Variants in DCPS observed in about 807,000 individuals in gnomAD.
DCPS encodes the protein decapping enzyme, scavenger, also known as m7GpppX diphosphatase.
In DCPS, 27 loss-of-function variants were observed where a neutral mutation model predicts 34.7. The ratio of observed to expected loss-of-function variants is 0.78; its 90% confidence interval spans 0.57 to 1.07. The LOEUF (loss-of-function observed/expected upper bound fraction) is 1.07, where lower values mean the gene tolerates loss of function less well. DCPS is among the 50% of genes least tolerant of loss of function. The probability of loss-of-function intolerance (pLI) is 0.00; values close to 1 mark genes in which losing one functional copy is unlikely to be tolerated. For synonymous variants in DCPS, 185 were observed against 185.7 expected (o/e 1.00, Z 0.03); for missense variants, 464 against 436.9 (o/e 1.06, Z -0.55).
rs1951955248 is a variant in DCPS at position 126,348,234 on chromosome 11, T to C, written c.*2621T>C. Among the ~76,000 whole-genome samples the C allele has an allele frequency of 6.6e-6, 1 of 152,006 alleles. No individual in the cohort carries two copies. The highest frequency in any genetic ancestry group is 1.5e-5 in the Non-Finnish European group (1 of 67,978). On this transcript the variant is annotated 3_prime_UTR_variant, in exon 6 of 6. Coordinates refer to ENST00000263579, the MANE Select transcript of DCPS (RefSeq NM_014026.6). This position sits in a 1 kb window ranked among gnomAD's most constrained non-coding sequence, Gnocchi z 5.3. ...CCCACACTCTGGAAGGTTTCTCGAC[T>C]CCCCCGAGGGGCTGGCCAGTTCTGT...
intron 4 of DCPS, among the ~76,000 whole-genome samples, chr11:126,339,024 G>C (rs1403792239): frequency 2.6e-5 from 4 of 152,170 alleles, no homozygotes; most frequent in Non-Finnish European, 5.9e-5. Context: ...TCCCAGACCA[G>C]CCCACCACCA....
Position 126,345,768 on chromosome 11 carries a change from G to A in DCPS, c.*155G>A. 5 of 1,165,670 alleles carry A rather than the reference G, an allele frequency of 4.3e-6. No homozygotes were observed. Among genetic ancestry groups the A allele is most frequent in the Non-Finnish European group, 5.9e-6 (5 of 847,016 alleles). The allele number at this position is 1,165,670 out of a possible 1,614,324, so 72.2% of individuals were successfully genotyped here. A position where few individuals can be genotyped will look rare whatever the true frequency, so the allele number is the denominator to read the frequency against. ...GGGCTCACTCAGTGTGGACAGCGTG[G>A]CCTGGGAGGCAGACAGATGGTGGGG... On this transcript the variant is annotated 3_prime_UTR_variant, in exon 6 of 6. Transcript: ENST00000263579. The surrounding 1 kb of genome is among the most constrained non-coding windows in gnomAD (Gnocchi z 7.4).
rs116812023 is a variant in DCPS at position 126,323,350 on chromosome 11, C to G, written c.377-8055C>G. On this transcript the variant is annotated intron_variant, in intron 2 of 5. Coordinates refer to ENST00000263579, the MANE Select transcript of DCPS (RefSeq NM_014026.6). The surrounding 1 kb of genome is among the most constrained non-coding windows in gnomAD (Gnocchi z 4.4). The stretch of plus-strand genomic sequence containing the variant: ...AATACAATTATTGTTTTACCTTGAG[C>G]GGTAGAAAGTTCAGCTTTAGAAACA... Among the ~76,000 whole-genome samples the G allele has an allele frequency of 2.6e-5, 4 of 152,028 alleles. No individual in the cohort carries two copies. The South Asian group carries it at 8.3e-4, about 31-fold the overall frequency.
rs952338428 is a variant in DCPS, at chr11:126,315,799, C to T, written c.376+9055C>T. 1.4e-4 allele frequency among the ~76,000 whole-genome samples: 21 copies of T among 152,032 alleles called. No homozygotes were observed. Among genetic ancestry groups the T allele is most frequent in the African/African-American group, 4.8e-5 (2 of 41,324 alleles). ...GTACCTCTCAGCTCATTGCAACCTC[C>T]ACCTCCCGGGTTGAAGCGATTCTCC... On this transcript the variant is annotated intron_variant, in intron 2 of 5. Transcript: ENST00000263579. This position sits in a 1 kb window ranked among gnomAD's most constrained non-coding sequence, Gnocchi z 6.1.
intron 1 of DCPS, among the ~76,000 whole-genome samples, chr11:126,306,282 A>G (rs1951564734): frequency 6.6e-6 from 1 of 152,100 alleles, no homozygotes; most frequent in African/African-American, 2.4e-5. Context: ...CTGTGGCGGG[A>G]GAATTGTTTG....
At chr11:126,316,245 C>G (rs1156335671) in intron 2 of DCPS, among the ~76,000 whole-genome samples, 1 of 151,934 alleles carries the variant, frequency 6.6e-6, no homozygotes, top group Non-Finnish European at 1.5e-5. Context: ...CAAGCTTGTC[C>G]AACCCGCAGC....
chr11:126,326,685 A>G (rs1951741745), intron 2 of DCPS, among the ~76,000 whole-genome samples: 1 of 152,204 alleles, frequency 6.6e-6, no homozygotes, highest in Non-Finnish European at 1.5e-5. Flanking sequence ...GCACTTTGGG[A>G]GGCCGAGGCA....
chr11:126,336,573 C>G lies in DCPS; in HGVS notation c.523-1713C>G, dbSNP rs1388418237. ...TTATACTAGTCACAGGCAGATGCCC[C>G]TTTTCTGTGAATCAGGGACTGGCCG... On this transcript the variant is annotated intron_variant, in intron 3 of 5. Transcript: ENST00000263579. The surrounding 1 kb of genome is among the most constrained non-coding windows in gnomAD (Gnocchi z 6.3). 1 of 152,262 alleles carries G rather than the reference C, an allele frequency of 6.6e-6. No individual in the cohort carries two copies. Among genetic ancestry groups the G allele is most frequent in the Non-Finnish European group, 1.5e-5 (1 of 68,086 alleles). 9.4% of individuals were successfully genotyped at this position (152,262 alleles called of 1,614,324 possible). A position where few individuals can be genotyped will look rare whatever the true frequency, so the allele number is the denominator to read the frequency against.
Position 126,312,588 on chromosome 11 carries a change from G to A in DCPS, c.376+5844G>A, listed in dbSNP as rs955825593. On this transcript the variant is annotated intron_variant, in intron 2 of 5. Coordinates refer to ENST00000263579, the MANE Select transcript of DCPS (RefSeq NM_014026.6). This position sits in a 1 kb window ranked among gnomAD's most constrained non-coding sequence, Gnocchi z 5.1. ...ACTCCTGATCTCGGGTGATCCGCCC[G>A]CTTTGGCTGCTCAGAGTGCTGGGAT... Among the ~76,000 whole-genome samples, 12 of 152,176 alleles carry A rather than the reference G, an allele frequency of 7.9e-5. No homozygotes were observed. Among genetic ancestry groups the A allele is most frequent in the African/African-American group, 2.2e-4 (9 of 41,518 alleles).
rs955642648 is a variant in DCPS at position 126,305,861 on chromosome 11, C to G, written c.202-709C>G. On this transcript the variant is annotated intron_variant, in intron 1 of 5. Transcript: ENST00000263579. ...CTGTTGAAGGTGTTAGTCATGAGAG[C>G]CTTCGAGCTAGGAGTCACTTGGGAG... Among the ~76,000 whole-genome samples the G allele has an allele frequency of 3.9e-5, 6 of 152,260 alleles. No individual in the cohort carries two copies. The East Asian group carries it at 9.6e-4, about 24-fold the overall frequency.
At position 126,344,981 on chromosome 11, in the gene DCPS, A is replaced by C. The variant is rs1225981454; in HGVS notation, c.748-366A>C. ...CTGATGAAATGCTTCTAAATCATGA[A>C]AGTCCCCATAGTCTTGGGAATCTGG... is the stretch of plus-strand genomic sequence containing the variant. On this transcript the variant is annotated intron_variant, in intron 5 of 5. Coordinates refer to ENST00000263579, the MANE Select transcript of DCPS (RefSeq NM_014026.6). The surrounding 1 kb of genome is among the most constrained non-coding windows in gnomAD (Gnocchi z 8.1). Among the ~76,000 whole-genome samples the C allele has an allele frequency of 6.6e-6, 1 of 152,206 alleles. No homozygotes were observed. The highest frequency in any genetic ancestry group is 2.4e-5 in the African/African-American group (1 of 41,456).
rs946725812 is a variant in DCPS, at chr11:126,335,481, C to T, written c.523-2805C>T. 2.0e-5 allele frequency among the ~76,000 whole-genome samples: 3 copies of T among 152,172 alleles called. No homozygotes were observed. Among genetic ancestry groups the T allele is most frequent in the Admixed American group, 6.5e-5 (1 of 15,278 alleles). Reference sequence around the variant, plus strand: ...CTGGGCCCCTGGCCTGGAGGCTTCCCGTGGATGCAGCTCCCTGCCACTGTC... The same window carrying T: ...CTGGGCCCCTGGCCTGGAGGCTTCCTGTGGATGCAGCTCCCTGCCACTGTC... On this transcript the variant is annotated intron_variant, in intron 3 of 5. Coordinates refer to ENST00000263579, the MANE Select transcript of DCPS (RefSeq NM_014026.6). This position sits in a 1 kb window ranked among gnomAD's most constrained non-coding sequence, Gnocchi z 4.8.
chr11:126,341,004 C>G (rs937969433), intron 4 of DCPS: 2 of 152,222 alleles, frequency 1.3e-5, no homozygotes. Flanking sequence ...CCCTTCCTTT[C>G]CCTTCCCCAA....
In DCPS at chr11:126,320,269, G is replaced by A. The variant is rs1283900549; in HGVS notation, c.377-11136G>A. On this transcript the variant is annotated intron_variant, in intron 2 of 5. Coordinates refer to ENST00000263579, the MANE Select transcript of DCPS (RefSeq NM_014026.6). The surrounding 1 kb of genome is among the most constrained non-coding windows in gnomAD (Gnocchi z 4.7). ...CTTAGGCACTGCACACACAGTGTACGAAACAGAGTCCCTGCTCTCGTGGAC... is the reference window on the plus strand; with the variant it reads ...CTTAGGCACTGCACACACAGTGTACAAAACAGAGTCCCTGCTCTCGTGGAC... 6.6e-6 allele frequency among the ~76,000 whole-genome samples: 1 copy of A among 152,158 alleles called. No homozygotes were observed. The highest frequency in any genetic ancestry group is 1.5e-5 in the Non-Finnish European group (1 of 68,038).
rs1254991059 is a variant in DCPS at position 126,322,902 on chromosome 11, A to C, written c.377-8503A>C. 6.6e-6 allele frequency among the ~76,000 whole-genome samples: 1 copy of C among 152,178 alleles called. No homozygotes were observed. The highest frequency in any genetic ancestry group is 1.5e-5 in the Non-Finnish European group (1 of 68,026). ...GAGTCCAGTGGTACAGTCATAGCTC[A>C]TGGCAGCCTCAAACTCCCGAGTTCA... On this transcript the variant is annotated intron_variant, in intron 2 of 5. Coordinates refer to ENST00000263579, the MANE Select transcript of DCPS (RefSeq NM_014026.6). The surrounding 1 kb of genome is among the most constrained non-coding windows in gnomAD (Gnocchi z 4.2).
Position 126,338,597 on chromosome 11 carries a change from A to C in DCPS, c.636+198A>C, listed in dbSNP as rs1951853605. Among the ~76,000 whole-genome samples, 1 of 152,152 alleles carries C rather than the reference A, an allele frequency of 6.6e-6. No individual in the cohort carries two copies. Among genetic ancestry groups the C allele is most frequent in the Admixed American group, 6.5e-5 (1 of 15,280 alleles). ...GCTTTTGCTTTAATGGGTCAGCTTA[A>C]AGCCCTTTCTGGCTGTCCTCCCACC... On this transcript the variant is annotated intron_variant, in intron 4 of 5. Coordinates refer to ENST00000263579, the MANE Select transcript of DCPS (RefSeq NM_014026.6). The surrounding 1 kb of genome is among the most constrained non-coding windows in gnomAD (Gnocchi z 5.4).
rs755320332 is a variant in DCPS, at chr11:126,338,350, C to G, written c.587C>G (p.Pro196Arg). ...ADRIVFENPD[P>R]SDGFVLIPDL... ...CGGATTGTTTTCGAGAACCCAGATC[C>G]CTCTGATGGTTTTGTCCTCATCCCT... is the stretch of plus-strand genomic sequence containing the variant. The change falls in exon 4 of 6, where the codon CCC becomes CGC. Residue 196 changes from proline (P) to arginine (R), a missense_variant. Physicochemically the swap from Pro to Arg is moderately radical, Grantham distance 103. Transcript: ENST00000263579. The surrounding 1 kb of genome is among the most constrained non-coding windows in gnomAD (Gnocchi z 5.4). 1 of 1,614,050 alleles carries G rather than the reference C, an allele frequency of 6.2e-7. No homozygotes were observed. Among genetic ancestry groups the G allele is most frequent in the Non-Finnish European group, 8.5e-7 (1 of 1,180,032 alleles).
rs567776636 is a variant in DCPS, at chr11:126,332,594, G to A, written c.522+1044G>A. 1.3e-4 allele frequency among the ~76,000 whole-genome samples: 20 copies of A among 152,326 alleles called. 1 individual carries two copies. The South Asian group carries it at 4.1e-3, about 32-fold the overall frequency. ...AGGGTACGCTGTGTGTGTGGGCACT[G>A]CAAGGTGAATTGTACTTGACAGGAG... On this transcript the variant is annotated intron_variant, in intron 3 of 5. Transcript: ENST00000263579. This position sits in a 1 kb window ranked among gnomAD's most constrained non-coding sequence, Gnocchi z 5.4.
Position 126,347,453 on chromosome 11 carries a change from G to A in DCPS, c.*1840G>A, listed in dbSNP as rs1313489121. Among the ~76,000 whole-genome samples, 3 of 152,016 alleles carry A rather than the reference G, an allele frequency of 2.0e-5. No individual in the cohort carries two copies. The highest frequency in any genetic ancestry group is 2.9e-5 in the Non-Finnish European group (2 of 67,962). ...TGGCCAGGCTGGTCTCCAACTCCTG[G>A]CCTCAGGTGATCCACCCATCTCGGC... On this transcript the variant is annotated 3_prime_UTR_variant, in exon 6 of 6. Transcript: ENST00000263579. This position sits in a 1 kb window ranked among gnomAD's most constrained non-coding sequence, Gnocchi z 4.2.
Sources: allele counts gnomAD v4.1 joint callset (sites outside exome capture counted in the v4.1 genomes callset), GRCh38; gene constraint gnomAD v4.1.1; non-coding constraint Gnocchi (gnomAD v3.1); transcripts MANE v1.5; gene names NCBI Gene and HGNC (gene_info 2026-07-23, HGNC 2026-07-21).